ZNF804A: variants seen among roughly 807,000 people sequenced by gnomAD.
The protein encoded by ZNF804A is zinc finger protein 804A.
ZNF804A carries 2 observed loss-of-function variants against 16.5 expected under a neutral mutation model. The observed-to-expected ratio is 0.12, with a 90% CI of 0.05 to 0.38. ZNF804A has a LOEUF of 0.38. ZNF804A is among the 10% of genes least tolerant of loss of function. The pLI is 0.99. For synonymous variants in ZNF804A, 534 were observed against 489.6 expected (o/e 1.09, Z -1.20); for missense variants, 1,473 against 1,390.7 (o/e 1.06, Z -0.94).
At chr2:184,923,432 C>T (rs938556332) in intron 2 of ZNF804A, among the ~76,000 whole-genome samples, 1 of 151,780 alleles carries the variant, frequency 6.6e-6, no homozygotes, top group Non-Finnish European at 1.5e-5. Flanking sequence ...TTCATCAGCT[C>T]TAAAAGCTTT....
intron 2 of ZNF804A, among the ~76,000 whole-genome samples, chr2:184,916,888 G>GA (rs928106907): frequency 8.7e-5 from 13 of 149,684 alleles, no homozygotes; most frequent in Admixed American, 1.3e-4. Flanking sequence ...AACAGAAAAA[G>GA]AAAAAAAAAT....
intron 1 of ZNF804A, among the ~76,000 whole-genome samples, chr2:184,859,888 CT>C (rs1471586740): frequency 3.9e-5 from 6 of 152,208 alleles, no homozygotes; most frequent in African/African-American, 1.4e-4. Flanking sequence ...TTTCCTAAGC[CT>C]GTGTCCACAG....
chr2:184,935,868 G>A lies in ZNF804A; in HGVS notation c.472G>A (p.Asp158Asn). ...TGAAATTTCCCAACGAGTTGTTGTGGATTCAGTTAATAACCAGCAAGATTT... is the reference window on the plus strand; with the variant it reads ...TGAAATTTCCCAACGAGTTGTTGTGAATTCAGTTAATAACCAGCAAGATTT... ...CNEISQRVVV[D>N]SVNNQQDFKY... The change falls in exon 4 of 4, where the codon GAT becomes AAT. Residue 158 changes from aspartate (D) to asparagine (N), a missense_variant. By Grantham distance (23) the Asp-to-Asn change is conservative. Coordinates refer to ENST00000302277, the MANE Select transcript of ZNF804A (RefSeq NM_194250.2). The A allele has an allele frequency of 1.2e-6, 2 of 1,613,844 alleles. No individual in the cohort carries two copies. Among genetic ancestry groups the A allele is most frequent in the African/African-American group, 1.3e-5 (1 of 75,004 alleles).
At chr2:184,764,164 C>A (rs1694083073) in intron 1 of ZNF804A, among the ~76,000 whole-genome samples, 2 of 151,992 alleles carry the variant, frequency 1.3e-5, no homozygotes, top group South Asian at 2.1e-4. Flanking sequence ...ATAAGAACAA[C>A]TTTCAAATAC....
intron 1 of ZNF804A, among the ~76,000 whole-genome samples, chr2:184,809,442 A>C (rs184389698): frequency 2.4e-4 from 37 of 151,940 alleles, no homozygotes; most frequent in African/African-American, 6.3e-4. Context: ...AGGAGGCACA[A>C]AGATTTAAAA....
At chr2:184,716,649 G>A (rs1391282814) in intron 1 of ZNF804A, among the ~76,000 whole-genome samples, 1 of 152,036 alleles carries the variant, frequency 6.6e-6, no homozygotes, top group South Asian at 2.1e-4. Flanking sequence ...ATTATTGAAT[G>A]CTTACATGGA....
intron 1 of ZNF804A, among the ~76,000 whole-genome samples, chr2:184,824,685 G>A (rs1695132559): frequency 1.3e-5 from 2 of 152,108 alleles, no homozygotes; most frequent in Admixed American, 1.3e-4. Flanking sequence ...CTTTGGGCCT[G>A]TAAGTTAGGA....
chr2:184,802,270 GCA>G (rs1694738849), intron 1 of ZNF804A, among the ~76,000 whole-genome samples: 1 of 152,148 alleles, frequency 6.6e-6, no homozygotes, highest in Admixed American at 6.5e-5. Flanking sequence ...TTGAAATTGG[GCA>G]AAGGCTGTCT....
At position 184,679,474 on chromosome 2, in the gene ZNF804A, G is replaced by A. The variant is rs909695344; in HGVS notation, c.111+80404G>A. On this transcript the variant is annotated intron_variant, in intron 1 of 3. Transcript: ENST00000302277. ...TGGGGCAGGAGCCCCACCCTCCCCGGTGCAGCTACTACTGCCCAGCCACTA... is the reference window on the plus strand; with the variant it reads ...TGGGGCAGGAGCCCCACCCTCCCCGATGCAGCTACTACTGCCCAGCCACTA... Among the ~76,000 whole-genome samples, 9 of 152,204 alleles carry A rather than the reference G, an allele frequency of 5.9e-5. No homozygotes were observed. In the East Asian group the frequency reaches 1.7e-3, roughly 30 times the overall value.
intron 1 of ZNF804A, among the ~76,000 whole-genome samples, chr2:184,825,903 A>G (rs9973969): frequency 0.32 from 48,602 of 151,472 alleles, 10,575 homozygotes; most frequent in African/African-American, 0.62. Context: ...ACAGAGTCTC[A>G]CTCTGTCACC....
intron 1 of ZNF804A, among the ~76,000 whole-genome samples, chr2:184,837,657 C>T (rs534512054): frequency 6.6e-6 from 1 of 151,958 alleles, no homozygotes; most frequent in Non-Finnish European, 1.5e-5. Context: ...ATTTGAAAAA[C>T]AAACATGATA....
intron 1 of ZNF804A, among the ~76,000 whole-genome samples, chr2:184,613,304 C>G (rs949788041): frequency 1.3e-5 from 2 of 152,218 alleles, no homozygotes; most frequent in African/African-American, 4.8e-5. Context: ...CACTCTCTTG[C>G]TCTCGCTGTC....
intron 2 of ZNF804A, chr2:184,902,179 CT>C: frequency 6.2e-6 from 1 of 161,160 alleles, no homozygotes; most frequent in Non-Finnish European, 1.4e-5. Flanking sequence ...TATGTATTCT[CT>C]TTTTTAGGCC....
At chr2:184,699,570 C>G (rs1374826394) in intron 1 of ZNF804A, among the ~76,000 whole-genome samples, 1 of 152,086 alleles carries the variant, frequency 6.6e-6, no homozygotes, top group African/African-American at 2.4e-5. Flanking sequence ...TAGCAGGGAA[C>G]TCTGTGTGAC....
chr2:184,866,571 G>T, intron 2 of ZNF804A, 59 bp downstream of exon 2: 7 of 1,421,874 alleles, frequency 4.9e-6, no homozygotes, highest in Admixed American at 2.3e-5. Flanking sequence ...AGTTTTAATT[G>T]TGTAGACTCT....
intron 1 of ZNF804A, among the ~76,000 whole-genome samples, chr2:184,850,373 G>A (rs1350362483): frequency 6.6e-6 from 1 of 151,764 alleles, no homozygotes; most frequent in East Asian, 1.9e-4. Context: ...CAGTCAAGTA[G>A]TACTACATGA....
intron 2 of ZNF804A, among the ~76,000 whole-genome samples, chr2:184,899,300 A>C (rs2105826257): frequency 6.6e-6 from 1 of 152,158 alleles, no homozygotes; most frequent in South Asian, 2.1e-4. Context: ...TCACTCATTG[A>C]AGTTTGTGTC....
At chr2:184,754,005 C>A (rs1693915761) in intron 1 of ZNF804A, among the ~76,000 whole-genome samples, 1 of 151,784 alleles carries the variant, frequency 6.6e-6, no homozygotes, top group Non-Finnish European at 1.5e-5. Flanking sequence ...TATACCCATT[C>A]ATCTTTCTCA....
intron 3 of ZNF804A, among the ~76,000 whole-genome samples, chr2:184,934,095 T>C (rs1241810653): frequency 6.6e-6 from 1 of 152,156 alleles, no homozygotes; most frequent in Non-Finnish European, 1.5e-5. Context: ...AAAGAGTTTT[T>C]AGAGATACTT....
Sources: gnomAD v4.1 joint callset for allele counts (sites outside exome capture counted in the v4.1 genomes callset) on GRCh38, gnomAD v4.1.1 for gene constraint, MANE v1.5 for transcripts, NCBI Gene and HGNC (gene_info 2026-07-23, HGNC 2026-07-21) for gene names.